The following FST variants were observed in gnomAD, a reference collection of about 807,000 sequenced individuals.
The protein encoded by FST is activin-binding protein.
FST carries 6 observed loss-of-function variants against 38.4 expected under a neutral mutation model. That is an observed-to-expected ratio of 0.16 (90% confidence interval 0.09 to 0.31). FST has a LOEUF of 0.31. Among genes scored for constraint, FST ranks in the 10% least tolerant of loss-of-function variants. The pLI is 1.00. For synonymous variants in FST, 157 were observed against 169.8 expected, an observed-to-expected ratio of 0.92 and a Z score of 0.59; for missense variants, 301 against 432.3, an observed-to-expected ratio of 0.70 and a Z score of 2.69.
At position 53,486,115 on chromosome 5, in the gene FST, A is replaced by G. The variant is rs1005906908; in HGVS notation, c.*82A>G. ...AAAAGAAAAAGAAAAAAAGAAAAATATATTGTCCATACTGTAAATAAGTGT... is the reference window on the plus strand; with the variant it reads ...AAAAGAAAAAGAAAAAAAGAAAAATGTATTGTCCATACTGTAAATAAGTGT... On this transcript the variant is annotated 3_prime_UTR_variant, in exon 6 of 6. Transcript: ENST00000256759. 1.4e-6 allele frequency: 1 copy of G among 718,642 alleles called. No homozygotes were observed. Among genetic ancestry groups the G allele is most frequent in the Non-Finnish European group, 2.3e-6 (1 of 432,652 alleles). 44.5% of individuals were successfully genotyped at this position (718,642 alleles called of 1,614,324 possible).
intron 4 of FST, 89 bp from the exon 5 acceptor site, chr5:53,484,902 ATTATGT>A (rs1228526631): frequency 1.5e-6 from 1 of 649,084 alleles, no homozygotes; most frequent in Non-Finnish European, 2.8e-6. Flanking sequence ...TATAAAATAA[ATTATGT>A]TTATATTTAT....
chr5:53,482,475 A>G (rs1009452183), intron 1 of FST, among the ~76,000 whole-genome samples: 1 of 151,878 alleles, frequency 6.6e-6, no homozygotes, highest in African/African-American at 2.4e-5. Flanking sequence ...TGTTTTTGTC[A>G]GGTTCTTTAA....
At position 53,483,080 on chromosome 5, in the gene FST, CCTT is replaced by C. The variant is rs747680477; in HGVS notation, c.277+14_277+16del. 2.0e-5 allele frequency: 32 copies of C among 1,599,254 alleles called. No homozygotes were observed. Among genetic ancestry groups the C allele is most frequent in the South Asian group, 4.4e-5 (4 of 89,966 alleles). On this transcript the variant is annotated intron_variant, in intron 2 of 5. Coordinates refer to ENST00000256759, the MANE Select transcript of FST (RefSeq NM_013409.3). The surrounding 1 kb of genome is among the most constrained non-coding windows in gnomAD (Gnocchi z 4.1). ...CTGCATCCCCTGTAAAGGTAGGACT[CCTT>C]CTTCCCAACTTGCAGGCCCTCAGTA...
chr5:53,483,732 A>G lies in FST; in HGVS notation c.496+10A>G, dbSNP rs1478755423. 1.9e-6 allele frequency: 3 copies of G among 1,599,468 alleles called. No homozygotes were observed. Among genetic ancestry groups the G allele is most frequent in the African/African-American group, 2.7e-5 (2 of 74,760 alleles). Reference sequence around the variant, plus strand: ...CAAGGCAGATGTAAAAGTAGGTCCTACCCTGTTGAGCAAGACTGGATCTGT... The same window carrying G: ...CAAGGCAGATGTAAAAGTAGGTCCTGCCCTGTTGAGCAAGACTGGATCTGT... On this transcript the variant is annotated intron_variant, in intron 3 of 5. Transcript: ENST00000256759. The surrounding 1 kb of genome is among the most constrained non-coding windows in gnomAD (Gnocchi z 4.1).
Position 53,480,961 on chromosome 5 carries a change from G to A in FST, c.85+85G>A, listed in dbSNP as rs992877309. 9 of 587,692 alleles carry A rather than the reference G, an allele frequency of 1.5e-5. No homozygotes were observed. The East Asian group carries it at 3.1e-4, about 20-fold the overall frequency. The allele number at this position is 587,692 out of a possible 1,614,324, so 36.4% of individuals were successfully genotyped here. A position where few individuals can be genotyped will look rare whatever the true frequency, so the allele number is the denominator to read the frequency against. On this transcript the variant is annotated intron_variant, in intron 1 of 5. Coordinates refer to ENST00000256759, the MANE Select transcript of FST (RefSeq NM_013409.3). ...GTGGTCTCCACTTGGTCTGTTCTGA[G>A]CAACGCTGCTCTCGGAAGATGTTGA...
intron 4 of FST, among the ~76,000 whole-genome samples, chr5:53,484,709 A>C (rs1204698944): frequency 1.3e-5 from 2 of 152,222 alleles, no homozygotes; most frequent in African/African-American, 4.8e-5. Flanking sequence ...TAACTTGAGA[A>C]TATTGTAAAA....
In FST at chr5:53,483,416, A is replaced by G. The variant is rs1747360283; in HGVS notation, c.278-88A>G. 4.0e-6 allele frequency: 4 copies of G among 994,428 alleles called. No individual in the cohort carries two copies. The highest frequency in any genetic ancestry group is 6.2e-6 in the Non-Finnish European group (4 of 643,864). The allele number at this position is 994,428 out of a possible 1,614,324, so 61.6% of individuals were successfully genotyped here. A position where few individuals can be genotyped will look rare whatever the true frequency, so the allele number is the denominator to read the frequency against. On this transcript the variant is annotated intron_variant, in intron 2 of 5. Transcript: ENST00000256759. This position sits in a 1 kb window ranked among gnomAD's most constrained non-coding sequence, Gnocchi z 4.1. ...CCCTCCAGCGCAAACTCAGGGCTGC[A>G]TGATTGCGCAAGGCACCCGAAGCCC... is the stretch of plus-strand genomic sequence containing the variant.
chr5:53,486,089 A>AAG lies in FST; in HGVS notation c.*57_*58insGA. ...CCTTTGTGCAAAAAAAAAAAAAAAA[A>AAG]AAAAGAAAAAGAAAAAAAGAAAAAT... On this transcript the variant is annotated 3_prime_UTR_variant, in exon 6 of 6. Coordinates refer to ENST00000256759, the MANE Select transcript of FST (RefSeq NM_013409.3). 1 of 895,678 alleles carries AAG rather than the reference A, an allele frequency of 1.1e-6. No individual in the cohort carries two copies. The highest frequency in any genetic ancestry group is 2.7e-5 in the Admixed American group (1 of 37,654). 55.5% of individuals were successfully genotyped at this position (895,678 alleles called of 1,614,324 possible).
intron 4 of FST, among the ~76,000 whole-genome samples, chr5:53,484,755 ATGT>A (rs1434411027): frequency 6.6e-6 from 1 of 152,114 alleles, no homozygotes; most frequent in Non-Finnish European, 1.5e-5. Context: ...TAATGCACTA[ATGT>A]AGTATGTAAG....
chr5:53,482,834 C>T (rs748122064), intron 1 of FST, 46 bp from the exon 2 acceptor site: 11 of 1,255,480 alleles, frequency 8.8e-6, no homozygotes, highest in South Asian at 4.3e-5. Flanking sequence ...GCCCTGCCAC[C>T]GCTCACTGCT....
chr5:53,483,144 C>A lies in FST; in HGVS notation c.277+73C>A. On this transcript the variant is annotated intron_variant, in intron 2 of 5. Transcript: ENST00000256759. The surrounding 1 kb of genome is among the most constrained non-coding windows in gnomAD (Gnocchi z 4.1). ...TACCCTTAGCTTCCCCACTACCTGACTGGGGTTTGGGAGTAGGAGAGCTTT... is the reference window on the plus strand; with the variant it reads ...TACCCTTAGCTTCCCCACTACCTGAATGGGGTTTGGGAGTAGGAGAGCTTT... The A allele has an allele frequency of 9.6e-7, 1 of 1,043,784 alleles. No homozygotes were observed. Among genetic ancestry groups the A allele is most frequent in the Non-Finnish European group, 1.5e-6 (1 of 683,808 alleles). The allele number at this position is 1,043,784 out of a possible 1,614,324, so 64.7% of individuals were successfully genotyped here.
At chr5:53,482,274 T>C (rs1747271674) in intron 1 of FST, among the ~76,000 whole-genome samples, 1 of 151,978 alleles carries the variant, frequency 6.6e-6, no homozygotes, top group Non-Finnish European at 1.5e-5. Context: ...TTCCTTTTTT[T>C]CTTTCTTTCT....
Position 53,484,180 on chromosome 5 carries a change from A to G in FST, c.608A>G (p.Glu203Gly). Reference protein sequence around the residue: ...NRICPEPASSEQYLCGNDGVT... With the variant: ...NRICPEPASSGQYLCGNDGVT... ...ATTTGCCCAGAGCCTGCTTCCTCTG[A>G]GCAATATCTCTGTGGGAATGATGGA... Residue 203 changes from glutamate (E) to glycine (G), a missense_variant, in exon 4 of 6, where the codon GAG (glutamate) becomes GGG (glycine). Glu to Gly is a moderately conservative substitution (Grantham distance 98, BLOSUM62 -2). Transcript: ENST00000256759. 6.2e-7 allele frequency: 1 copy of G among 1,612,480 alleles called. No homozygotes were observed. The highest frequency in any genetic ancestry group is 2.2e-5 in the East Asian group (1 of 44,870).
rs899956110 is a variant in FST at position 53,487,133 on chromosome 5, A to C, written c.*1100A>C. On this transcript the variant is annotated 3_prime_UTR_variant, in exon 6 of 6. Coordinates refer to ENST00000256759, the MANE Select transcript of FST (RefSeq NM_013409.3). Reference sequence around the variant, plus strand: ...AAAAATAAAAAAATTTTAAAAAGCCAATGGTTTCAATTCCTGATGATGCAA... The same window carrying C: ...AAAAATAAAAAAATTTTAAAAAGCCCATGGTTTCAATTCCTGATGATGCAA... 2 of 152,236 alleles carry C rather than the reference A, an allele frequency of 1.3e-5. No individual in the cohort carries two copies. Among genetic ancestry groups the C allele is most frequent in the Admixed American group, 6.5e-5 (1 of 15,276 alleles). 9.4% of individuals were successfully genotyped at this position (152,236 alleles called of 1,614,324 possible).
chr5:53,485,831 C>T, intron 5 of FST, 120 bp from the exon 6 acceptor site: 4 of 1,596,102 alleles, frequency 2.5e-6, no homozygotes, highest in Non-Finnish European at 3.4e-6. Flanking sequence ...CTGCAAGTCA[C>T]ATAAAAATGC....
At position 53,485,236 on chromosome 5, in the gene FST, G is replaced by A. The variant is rs770069860; in HGVS notation, c.952+9G>A. ...CTCCGGATCTTGCAACTGTAAGTGCGATTTTTAACCTTGCTGCCATTTAAG... is the reference window on the plus strand; with the variant it reads ...CTCCGGATCTTGCAACTGTAAGTGCAATTTTTAACCTTGCTGCCATTTAAG... On this transcript the variant is annotated intron_variant, in intron 5 of 5. Coordinates refer to ENST00000256759, the MANE Select transcript of FST (RefSeq NM_013409.3). 101 of 1,469,640 alleles carry A rather than the reference G, an allele frequency of 6.9e-5. No homozygotes were observed. Among genetic ancestry groups the A allele is most frequent in the Non-Finnish European group, 9.1e-5 (96 of 1,050,408 alleles). 91.0% of individuals were successfully genotyped at this position (1,469,640 alleles called of 1,614,324 possible).
chr5:53,480,886 T>C lies in FST; in HGVS notation c.85+10T>C. On this transcript the variant is annotated intron_variant, in intron 1 of 5. Coordinates refer to ENST00000256759, the MANE Select transcript of FST (RefSeq NM_013409.3). ...GACCGCAGTGCCCAGGGTAAGCGAG[T>C]GGGGATGCGCTGGGGAGGCTTGGCT... 3 of 1,480,166 alleles carry C rather than the reference T, an allele frequency of 2.0e-6. No homozygotes were observed. The highest frequency in any genetic ancestry group is 2.6e-5 in the East Asian group (1 of 38,446). 91.7% of individuals were successfully genotyped at this position (1,480,166 alleles called of 1,614,324 possible).
rs748466170 is a variant in FST at position 53,483,059 on chromosome 5, A to G, written c.265A>G (p.Ile89Val). Reference protein sequence around the residue: ...MIFNGGAPNCIPCKETCENVD... With the variant: ...MIFNGGAPNCVPCKETCENVD... ...TTTCAACGGGGGCGCCCCCAACTGC[A>G]TCCCCTGTAAAGGTAGGACTCCTTC... Residue 89 changes from isoleucine (I) to valine (V), a missense_variant, in exon 2 of 6, where the codon ATC becomes GTC. Coordinates refer to ENST00000256759, the MANE Select transcript of FST (RefSeq NM_013409.3). This position sits in a 1 kb window ranked among gnomAD's most constrained non-coding sequence, Gnocchi z 4.1. 2 of 1,611,744 alleles carry G rather than the reference A, an allele frequency of 1.2e-6. No individual in the cohort carries two copies. Among genetic ancestry groups the G allele is most frequent in the Non-Finnish European group, 1.7e-6 (2 of 1,178,162 alleles).
chr5:53,484,963 T>A, intron 4 of FST, 34 bp from the exon 5 acceptor site: 1 of 1,008,950 alleles, frequency 9.9e-7, no homozygotes. Flanking sequence ...TATGGGGAAA[T>A]CAGTTTACTC....
Sources: gnomAD v4.1 joint callset for allele counts (sites outside exome capture counted in the v4.1 genomes callset) on GRCh38, gnomAD v4.1.1 for gene constraint, Gnocchi (gnomAD v3.1) non-coding constraint, MANE v1.5 for transcripts, NCBI Gene and HGNC (gene_info 2026-07-23, HGNC 2026-07-21) for gene names.